CFAP65: variants seen among roughly 807,000 people sequenced by gnomAD.
CFAP65 encodes cilia- and flagella-associated protein 65.
Under a neutral mutation model 208.0 loss-of-function variants are expected in CFAP65, and 155 were observed. That is an observed-to-expected ratio of 0.75 (90% CI 0.65 to 0.85). The LOEUF (loss-of-function observed/expected upper bound fraction) is 0.85. CFAP65 is among the 40% of genes least tolerant of loss of function. CFAP65 has a pLI of 0.00. For missense variants in CFAP65, 2,294 were observed against 2,451.3 expected (o/e 0.94, Z 1.36); for synonymous variants, 970 against 986.3 (o/e 0.98, Z 0.31).
chr2:219,011,084 C>G, intron 24 of CFAP65, 88 bp from the exon 25 acceptor site: 3 of 1,250,758 alleles, frequency 2.4e-6, no homozygotes, highest in Non-Finnish European at 3.3e-6. Context: ...TGTGGGAGGG[C>G]AGGCTGATCT....
chr2:219,019,500 G>A lies in CFAP65; in HGVS notation c.3473+6C>T. 1 of 1,609,902 alleles carries A rather than the reference G, an allele frequency of 6.2e-7. No homozygotes were observed. Among genetic ancestry groups the A allele is most frequent in the Non-Finnish European group, 8.5e-7 (1 of 1,178,560 alleles). ...AGCCCCCACCCCCACTCCAGGCTCAGCTCACCTGTGCCGGGTGGGCACCTT... is the reference window on the plus strand; with the variant it reads ...AGCCCCCACCCCCACTCCAGGCTCAACTCACCTGTGCCGGGTGGGCACCTT... On this transcript the variant is annotated splice_donor_region_variant and intron_variant, in intron 20 of 34. Coordinates refer to ENST00000341552, the MANE Select transcript of CFAP65 (RefSeq NM_194302.4).
intron 5 of CFAP65, chr2:219,035,100 GAAAAA>G: frequency 3.1e-6 from 1 of 318,120 alleles, no homozygotes; most frequent in Non-Finnish European, 5.5e-6. Context: ...AACTACGCAG[GAAAAA>G]AAAAAAAAAA....
chr2:219,006,174 CAGCT>C lies in CFAP65; in HGVS notation c.4765_4768del (p.Ser1589GlyfsTer93). ...CTCCTCCTTTGGGGTCTGCAGTTTCCAGCTGGCAGGCCGGCTGACAGACTGCTGG... is the reference window on the plus strand; with the variant it reads ...CTCCTCCTTTGGGGTCTGCAGTTTCCGGCAGGCCGGCTGACAGACTGCTGG... On this transcript the variant is annotated frameshift_variant, in exon 31 of 35. Transcript: ENST00000341552. LOFTEE classifies it high-confidence loss of function. 6.2e-7 allele frequency: 1 copy of C among 1,611,780 alleles called. No homozygotes were observed. The highest frequency in any genetic ancestry group is 1.1e-5 in the South Asian group (1 of 91,004).
chr2:219,007,262 C>T (rs1030226480), intron 29 of CFAP65, among the ~76,000 whole-genome samples: 1 of 151,108 alleles, frequency 6.6e-6, no homozygotes. Flanking sequence ...CAGCCTCAAA[C>T]TCCTGCACTC....
At position 219,022,280 on chromosome 2, in the gene CFAP65, T is replaced by C; in HGVS notation, c.2870A>G (p.Gln957Arg). 1 of 1,607,872 alleles carries C rather than the reference T, an allele frequency of 6.2e-7. No individual in the cohort carries two copies. The highest frequency in any genetic ancestry group is 2.2e-5 in the East Asian group (1 of 44,728). Reference protein sequence around the residue: ...SPLEETKYLFQVGMWVWEAGL... With the variant: ...SPLEETKYLFRVGMWVWEAGL... ...GGCTTCCCAGACCCACATCCCCACTTGGAACAGGTACTTGGTCTCCTCCAA... is the reference window on the plus strand; with the variant it reads ...GGCTTCCCAGACCCACATCCCCACTCGGAACAGGTACTTGGTCTCCTCCAA... Residue 957 changes from glutamine to arginine, a missense_variant, in exon 17 of 35, where the codon CAA (glutamine) becomes CGA (arginine). By Grantham distance (43) the Gln-to-Arg change is conservative. Around this residue, in one of 2 missense-constraint regions of CFAP65, gnomAD observed 1,427 missense variants for 1,438.7 expected, o/e 0.99. Transcript: ENST00000341552.
Position 219,004,202 on chromosome 2 carries a change from C to T in CFAP65, c.5305G>A (p.Glu1769Lys). ...TCCTCCAACTCTTCTTCTTCCTCTT[C>T]ACCCTTCTCCTCCTCCCCCTCTTCC... The part of the protein sequence containing the change: ...KKEEGEEEKG[E>K]EEEEELEEEE... The change falls in exon 33 of 35, where the codon GAA (glutamate) becomes AAA (lysine). Residue 1769 changes from glutamate to lysine, a missense_variant. Physicochemically the swap from Glu to Lys is moderately conservative, Grantham distance 56. Around this residue, in one of 2 missense-constraint regions of CFAP65, gnomAD observed 1,427 missense variants for 1,438.7 expected, o/e 0.99. Coordinates refer to ENST00000341552, the MANE Select transcript of CFAP65 (RefSeq NM_194302.4). The surrounding 1 kb of genome is among the most constrained non-coding windows in gnomAD (Gnocchi z 4.7). 1 of 1,614,040 alleles carries T rather than the reference C, an allele frequency of 6.2e-7. No individual in the cohort carries two copies. Among genetic ancestry groups the T allele is most frequent in the South Asian group, 1.1e-5 (1 of 91,076 alleles).
At position 219,023,405 on chromosome 2, in the gene CFAP65, C is replaced by T; in HGVS notation, c.2622G>A (p.Glu874=). 3 of 1,583,632 alleles carry T rather than the reference C, an allele frequency of 1.9e-6. No individual in the cohort carries two copies. Among genetic ancestry groups the T allele is most frequent in the Non-Finnish European group, 2.6e-6 (3 of 1,165,362 alleles). ...LKEVSMYSRE[E]PLQLKLDTHK... is the part of the protein sequence containing the mutation. The stretch of plus-strand genomic sequence containing the variant: ...GGGTGTCCAGCTTCAGCTGCAGTGG[C>T]TCCTCCCGGCTGTACATGCTCACCT... Residue 874 remains glutamate (E), a synonymous_variant, in exon 16 of 35, where the codon GAG becomes GAA. Coordinates refer to ENST00000341552, the MANE Select transcript of CFAP65 (RefSeq NM_194302.4).
rs1321472535 is a variant in CFAP65 at position 219,026,165 on chromosome 2, G to A, written c.2212-6C>T. ...TTACTGTAGCTCTGCAGGACCTGCA[G>A]AGGGGCCAGACCCACGGAAAAGCTC... On this transcript the variant is annotated splice_region_variant and splice_polypyrimidine_tract_variant and intron_variant, in intron 13 of 34. Coordinates refer to ENST00000341552, the MANE Select transcript of CFAP65 (RefSeq NM_194302.4). 6.2e-7 allele frequency: 1 copy of A among 1,609,376 alleles called. No individual in the cohort carries two copies. Among genetic ancestry groups the A allele is most frequent in the East Asian group, 2.2e-5 (1 of 44,724 alleles).
intron 25 of CFAP65, 33 bp downstream of exon 25, chr2:219,010,772 C>T (rs1946419619): frequency 6.3e-7 from 1 of 1,589,210 alleles, no homozygotes; most frequent in African/African-American, 1.3e-5. Context: ...CCAGCACCAC[C>T]CCACCTCCCA....
chr2:219,039,774 A>T (rs1948566652), intron 2 of CFAP65, among the ~76,000 whole-genome samples: 1 of 152,212 alleles, frequency 6.6e-6, no homozygotes, highest in Non-Finnish European at 1.5e-5. Flanking sequence ...TGCATTTTAC[A>T]TTTACAGCAC....
chr2:219,022,116 C>T, intron 17 of CFAP65, 55 bp downstream of exon 17: 1 of 1,517,082 alleles, frequency 6.6e-7, no homozygotes, highest in Middle Eastern at 1.9e-4. Flanking sequence ...GGCCTTCCCT[C>T]CCACCTGTCC....
intron 8 of CFAP65, 31 bp from the exon 9 acceptor site, chr2:219,030,865 A>T (rs1325234640): frequency 6.2e-7 from 1 of 1,604,748 alleles, no homozygotes; most frequent in East Asian, 2.2e-5. Flanking sequence ...TCTTGGGGGA[A>T]CCCACCAGGG....
chr2:219,028,473 T>C, intron 11 of CFAP65, 72 bp from the exon 12 acceptor site: 3 of 1,350,398 alleles, frequency 2.2e-6, no homozygotes, highest in Non-Finnish European at 3.2e-6. Flanking sequence ...GGGGTTGAAC[T>C]GAGGACAGAA....
Position 219,006,525 on chromosome 2 carries a change from G to T in CFAP65, c.4675-16C>A, listed in dbSNP as rs1391542983. The T allele has an allele frequency of 6.2e-7, 1 of 1,613,136 alleles. No homozygotes were observed. Among genetic ancestry groups the T allele is most frequent in the Admixed American group, 1.7e-5 (1 of 60,006 alleles). On this transcript the variant is annotated splice_polypyrimidine_tract_variant and intron_variant, in intron 29 of 34. Transcript: ENST00000341552. ...ATGTTCTCTTCTGTGGAAAAAGAGA[G>T]ATCCTTGCTTAAGATACAAGAGGCC...
chr2:219,013,726 G>A (rs536105139), intron 22 of CFAP65, 141 bp from the exon 23 acceptor site: 2 of 1,162,320 alleles, frequency 1.7e-6, no homozygotes, highest in Non-Finnish European at 2.5e-6. Flanking sequence ...GGGGCAAGAA[G>A]GAAATTAGAC....
In CFAP65 at chr2:219,003,277, G is replaced by A. The variant is rs1469674387; in HGVS notation, c.5556-5C>T. The stretch of plus-strand genomic sequence containing the variant: ...AGGTTGGCGAAGGCCGGGAGCCTGC[G>A]AGGGGGCGGGGGCTAGCATGAGGGC... On this transcript the variant is annotated splice_polypyrimidine_tract_variant and splice_region_variant and intron_variant, in intron 33 of 34. Transcript: ENST00000341552. This position sits in a 1 kb window ranked among gnomAD's most constrained non-coding sequence, Gnocchi z 4.4. The A allele has an allele frequency of 2.6e-6, 4 of 1,529,962 alleles. No homozygotes were observed. Among genetic ancestry groups the A allele is most frequent in the Non-Finnish European group, 3.5e-6 (4 of 1,136,628 alleles). The allele number at this position is 1,529,962 out of a possible 1,614,324, so 94.8% of individuals were successfully genotyped here. A position where few individuals can be genotyped will look rare whatever the true frequency, so the allele number is the denominator to read the frequency against.
chr2:219,026,909 GA>G, intron 13 of CFAP65: 3 of 986,412 alleles, frequency 3.0e-6, no homozygotes, highest in Non-Finnish European at 3.6e-6. Flanking sequence ...CTCCACTTTG[GA>G]AAGCCTCCTC....
At chr2:219,023,549 G>T (rs1947415431) in intron 15 of CFAP65, 118 bp from the exon 16 acceptor site, 1 of 716,352 alleles carries the variant, frequency 1.4e-6, no homozygotes, top group Admixed American at 2.8e-5. Flanking sequence ...GCAGTCAAAG[G>T]CCCTCTGCCA....
In CFAP65 at chr2:219,029,577, T is replaced by C. The variant is rs372881952; in HGVS notation, c.1476A>G (p.Gln492=). 5.0e-6 allele frequency: 8 copies of C among 1,613,944 alleles called. No homozygotes were observed. Among genetic ancestry groups the C allele is most frequent in the African/African-American group, 1.3e-5 (1 of 74,876 alleles). ...RSEQPLWIEN[Q]SDCTAHFQFA... is the part of the protein sequence containing the mutation. Reference sequence around the variant, plus strand: ...ACTGGAAGTGGGCCGTGCAGTCCGATTGGTTCTCAATCCACAGGGGCTGCT... The same window carrying C: ...ACTGGAAGTGGGCCGTGCAGTCCGACTGGTTCTCAATCCACAGGGGCTGCT... The change falls in exon 11 of 35, where the codon CAA becomes CAG. Residue 492 remains glutamine, a synonymous_variant. Transcript: ENST00000341552.
Sources: gnomAD v4.1 joint callset for allele counts (sites outside exome capture counted in the v4.1 genomes callset) on GRCh38, gnomAD v4.1.1 for gene constraint, gnomAD v4.1.1 regional missense constraint, Gnocchi (gnomAD v3.1) non-coding constraint, MANE v1.5 for transcripts, NCBI Gene and HGNC (gene_info 2026-07-23, HGNC 2026-07-21) for gene names.